RNF31: variants seen among roughly 807,000 people sequenced by gnomAD.
The protein encoded by RNF31 is ring finger protein 31.
RNF31 carries 38 observed loss-of-function variants against 133.6 expected under a neutral mutation model. The ratio of observed to expected loss-of-function variants is 0.28; its 90% CI spans 0.22 to 0.37. The LOEUF is 0.37. Among genes scored for constraint, RNF31 ranks in the 10% least tolerant of loss-of-function variants. The probability of loss-of-function intolerance (pLI) is 1.00; values close to 1 mark genes in which losing one functional copy is unlikely to be tolerated. For synonymous variants in RNF31, 582 were observed against 552.3 expected (o/e 1.05, Z -0.75); for missense variants, 1,118 against 1,394.1 (o/e 0.80, Z 3.15).
Position 24,160,109 on chromosome 14 carries a change from G to C in RNF31, c.2997-130G>C, listed in dbSNP as rs1209444835. 1 of 1,314,706 alleles carries C rather than the reference G, an allele frequency of 7.6e-7. No homozygotes were observed. Among genetic ancestry groups the C allele is most frequent in the Non-Finnish European group, 1.1e-6 (1 of 946,086 alleles). 81.4% of individuals were successfully genotyped at this position (1,314,706 alleles called of 1,614,324 possible). On this transcript the variant is annotated intron_variant, in intron 19 of 20. Transcript: ENST00000324103. This position sits in a 1 kb window ranked among gnomAD's most constrained non-coding sequence, Gnocchi z 4.0. Reference sequence around the variant, plus strand: ...TTCTGGGCAAGGGCATGGGTAGATAGTAGCAGGCAGTGTGGGCACAGGTGG... The same window carrying C: ...TTCTGGGCAAGGGCATGGGTAGATACTAGCAGGCAGTGTGGGCACAGGTGG...
At chr14:24,153,306 T>G (rs1414357340) in intron 11 of RNF31, among the ~76,000 whole-genome samples, 1 of 151,458 alleles carries the variant, frequency 6.6e-6, no homozygotes, top group African/African-American at 2.4e-5. Flanking sequence ...GGTCCGGGCA[T>G]GGTGGCTCAC....
chr14:24,152,238 AC>A (rs138921341), intron 11 of RNF31, among the ~76,000 whole-genome samples: 9,986 of 151,438 alleles, frequency 0.066, 504 homozygotes, highest in East Asian at 0.2. Context: ...AAATTCCCAT[AC>A]CCCCCTGCAA....
In RNF31 at chr14:24,148,407, A is replaced by G. The variant is rs773851158; in HGVS notation, c.489A>G (p.Leu163=). Residue 163 remains leucine, a synonymous_variant, in exon 3 of 21, where the codon CTA becomes CTG. Coordinates refer to ENST00000324103, the MANE Select transcript of RNF31 (RefSeq NM_017999.5). ...TGCTTCGGACAGAGCTCAGCCTGCT[A>G]TTGCAGGTGAGATGCTCCTCTAGTC... is the stretch of plus-strand genomic sequence containing the variant. ...VLLLRTELSL[L]LQNTHPRQQA... 3 of 1,613,700 alleles carry G rather than the reference A, an allele frequency of 1.9e-6. No homozygotes were observed. Among genetic ancestry groups the G allele is most frequent in the South Asian group, 1.1e-5 (1 of 91,064 alleles).
In RNF31 at chr14:24,147,595, G is replaced by C. The variant is rs772608776; in HGVS notation, c.-104G>C. 5.2e-5 allele frequency: 55 copies of C among 1,051,492 alleles called. No individual in the cohort carries two copies. The highest frequency in any genetic ancestry group is 8.2e-5 in the Admixed American group (2 of 24,410). The allele number at this position is 1,051,492 out of a possible 1,614,324, so 65.1% of individuals were successfully genotyped here. ...TGGGGCGGCTGCGTGGGCCGGGGTGGGCCTCAAAGCCGGGCACCAGACGGG... is the reference window on the plus strand; with the variant it reads ...TGGGGCGGCTGCGTGGGCCGGGGTGCGCCTCAAAGCCGGGCACCAGACGGG... On this transcript the variant is annotated 5_prime_UTR_variant, in exon 1 of 21. Transcript: ENST00000324103.
intron 8 of RNF31, 96 bp downstream of exon 8, chr14:24,150,984 G>A (rs2038257112): frequency 6.7e-7 from 1 of 1,498,150 alleles, no homozygotes; most frequent in Admixed American, 2.2e-5. Context: ...GTTATTGTTA[G>A]CAGCAGCTGC....
intron 18 of RNF31, among the ~76,000 whole-genome samples, chr14:24,159,036 A>G (rs1594385013): frequency 9.7e-6 from 1 of 103,132 alleles, no homozygotes; most frequent in African/African-American, 4.6e-5. Context: ...TCGTCTCAAA[A>G]AAAAAAAAAA....
chr14:24,150,399 G>T lies in RNF31; in HGVS notation c.1148G>T (p.Ser383Ile). The change falls in exon 7 of 21, where the codon AGC (serine) becomes ATC (isoleucine). Residue 383 changes from serine (S) to isoleucine (I), a missense_variant. Transcript: ENST00000324103. ...CGACCTCGGCTGGCCCAGCCTCCCA[G>T]CTTGGTGGTGGATTCCCGAGATGCT... is the stretch of plus-strand genomic sequence containing the variant. ...CERPRLAQPPSLVVDSRDAGI... is the reference protein window; with the variant it reads ...CERPRLAQPPILVVDSRDAGI... The T allele has an allele frequency of 6.2e-7, 1 of 1,613,288 alleles. No homozygotes were observed. The highest frequency in any genetic ancestry group is 8.5e-7 in the Non-Finnish European group (1 of 1,179,886).
chr14:24,157,263 A>T (rs375847866), intron 14 of RNF31, 27 bp from the exon 15 acceptor site: 17 of 1,558,016 alleles, frequency 1.1e-5, no homozygotes, highest in Non-Finnish European at 1.4e-5. Flanking sequence ...TAGAGCTCCC[A>T]TGTGAAGCCT....
chr14:24,149,190 T>C (rs2139077204), intron 5 of RNF31: 1 of 601,936 alleles, frequency 1.7e-6, no homozygotes. Context: ...CTGGAACTCC[T>C]GACCTCAAGT....
intron 6 of RNF31, 147 bp downstream of exon 6, chr14:24,149,730 A>G: frequency 2.3e-6 from 2 of 868,792 alleles, no homozygotes; most frequent in Non-Finnish European, 3.4e-6. Context: ...ATAGACATAC[A>G]CATCAAGCAG....
At chr14:24,148,579 CT>C (rs2139075943) in intron 3 of RNF31, 62 bp from the exon 4 acceptor site, 1 of 1,591,314 alleles carries the variant, frequency 6.3e-7, no homozygotes, top group African/African-American at 1.3e-5. Context: ...GGGACCAGGG[CT>C]TAGAGGGAGG....
chr14:24,159,775 C>A, intron 18 of RNF31, 89 bp from the exon 19 acceptor site: 2 of 1,016,198 alleles, frequency 2.0e-6, no homozygotes, highest in Non-Finnish European at 3.0e-6. Flanking sequence ...TCCTTGGAGG[C>A]TGCCTTCCCT....
chr14:24,156,616 T>C (rs2038344111), intron 14 of RNF31, among the ~76,000 whole-genome samples: 1 of 151,994 alleles, frequency 6.6e-6, no homozygotes, highest in Non-Finnish European at 1.5e-5. Flanking sequence ...CCGTCTCTAC[T>C]AAAAATACAA....
At chr14:24,152,197 A>G (rs1286692889) in intron 11 of RNF31, among the ~76,000 whole-genome samples, 1 of 152,086 alleles carries the variant, frequency 6.6e-6, no homozygotes, top group African/African-American at 2.4e-5. Context: ...CAAACATGCA[A>G]TAGTAGAAAA....
chr14:24,157,680 T>A (rs781232064), intron 16 of RNF31, 42 bp downstream of exon 16: 15 of 1,552,814 alleles, frequency 9.7e-6, no homozygotes, highest in African/African-American at 1.4e-5. Flanking sequence ...GGGTGGGGGG[T>A]GCCATTGGCT....
rs766024142 is a variant in RNF31, at chr14:24,151,654, A to G, written c.1907A>G (p.Asp636Gly). Residue 636 changes from aspartate (D) to glycine (G), a missense_variant, in exon 10 of 21, where the codon GAT (aspartate) becomes GGT (glycine). Around this residue, in one of 3 missense-constraint regions of RNF31, gnomAD observed 747 missense variants for 827.9 expected, o/e 0.90. Transcript: ENST00000324103. This position sits in a 1 kb window ranked among gnomAD's most constrained non-coding sequence, Gnocchi z 5.3. ...DSGPEPTPSWDGPDKQSLVRR... is the reference protein window; with the variant it reads ...DSGPEPTPSWGGPDKQSLVRR... ...GGCCCTGAGCCCACCCCTTCCTGGG[A>G]TGGGCCAGACAAGCAGGTGCTGGGA... The G allele has an allele frequency of 6.2e-7, 1 of 1,611,490 alleles. No individual in the cohort carries two copies. Among genetic ancestry groups the G allele is most frequent in the Admixed American group, 1.7e-5 (1 of 60,020 alleles).
In RNF31 at chr14:24,150,907, A is replaced by C. The variant is rs755041580; in HGVS notation, c.1488+19A>C. 22 of 1,541,832 alleles carry C rather than the reference A, an allele frequency of 1.4e-5. No homozygotes were observed. The South Asian group carries it at 2.6e-4, about 18-fold the overall frequency. On this transcript the variant is annotated intron_variant, in intron 8 of 20. Transcript: ENST00000324103. ...GATCCGGGTAAGGACTGGGCCTGCG[A>C]TGAGGTAGGGCTGAGCTGGTCTGGG...
chr14:24,149,221 C>A, intron 5 of RNF31, 185 bp from the exon 6 acceptor site: 2 of 649,558 alleles, frequency 3.1e-6, no homozygotes, highest in South Asian at 4.1e-5. Flanking sequence ...CCTCAGCCTC[C>A]CAAAGTGCTA....
rs2038420866 is a variant in RNF31 at position 24,160,002 on chromosome 14, T to A, written c.2996+42T>A. The A allele has an allele frequency of 6.3e-7, 1 of 1,576,794 alleles. No homozygotes were observed. Among genetic ancestry groups the A allele is most frequent in the Non-Finnish European group, 8.7e-7 (1 of 1,151,094 alleles). The stretch of plus-strand genomic sequence containing the variant: ...CATGGGCATGGTGTTGGGCAGTGGG[T>A]AGAAGTGGTGAGGGCATGCCCAGGC... On this transcript the variant is annotated intron_variant, in intron 19 of 20. Transcript: ENST00000324103. This position sits in a 1 kb window ranked among gnomAD's most constrained non-coding sequence, Gnocchi z 4.0.
Sources: allele counts gnomAD v4.1 joint callset (sites outside exome capture counted in the v4.1 genomes callset), GRCh38; gene constraint gnomAD v4.1.1; regional missense constraint gnomAD v4.1.1; non-coding constraint Gnocchi (gnomAD v3.1); transcripts MANE v1.5; gene names NCBI Gene and HGNC (gene_info 2026-07-23, HGNC 2026-07-21).